Variants in ABCB4 observed in about 807,000 individuals in gnomAD.
ABCB4 encodes phosphatidylcholine translocator ABCB4.
A neutral mutation model predicts 145.7 loss-of-function variants in ABCB4; 76 were observed. The ratio of observed to expected loss-of-function variants is 0.52; its 90% confidence interval spans 0.43 to 0.63. ABCB4 has a LOEUF of 0.63. Ranked by LOEUF, ABCB4 falls within the 30% of genes least tolerant of loss-of-function variation. The pLI is 0.00. For synonymous variants in ABCB4, 517 were observed against 566.8 expected (o/e 0.91, Z 1.25); for missense variants, 1,234 against 1,553.1 (o/e 0.79, Z 3.45).
chr7:87,413,390 C>T (rs568258808), intron 22 of ABCB4, among the ~76,000 whole-genome samples: 12 of 152,290 alleles, frequency 7.9e-5, no homozygotes, highest in South Asian at 6.2e-4. Flanking sequence ...ATATCTTTTA[C>T]GTCTTGGAGA....
intron 15 of ABCB4, among the ~76,000 whole-genome samples, chr7:87,427,865 G>C (rs552543665): frequency 6.6e-6 from 1 of 152,108 alleles, no homozygotes; most frequent in African/African-American, 2.4e-5. Flanking sequence ...TTCCTTATTT[G>C]CTCATTACTG....
At chr7:87,427,131 A>G (rs1809889403) in intron 15 of ABCB4, among the ~76,000 whole-genome samples, 1 of 152,206 alleles carries the variant, frequency 6.6e-6, no homozygotes, top group African/African-American at 2.4e-5. Flanking sequence ...TTGAACAATA[A>G]GAAAATCGGA....
chr7:87,437,995 A>C (rs997072808), intron 14 of ABCB4, among the ~76,000 whole-genome samples: 1 of 152,212 alleles, frequency 6.6e-6, no homozygotes, highest in Non-Finnish European at 1.5e-5. Context: ...GCAAGATCAC[A>C]GTTTTTCTGG....
chr7:87,374,187 T>C, the ABCB4 span, among the ~76,000 whole-genome samples: 1 of 152,090 alleles, frequency 6.6e-6, no homozygotes, highest in African/African-American at 2.4e-5. Context: ...ATTAGATGTG[T>C]AGCTGAAAAA....
chr7:87,406,331 G>A lies in ABCB4; in HGVS notation c.3443C>T (p.Ala1148Val). The part of the protein sequence containing the change: ...VVSQDEIVSA[A>V]KAANIHPFIE... The stretch of plus-strand genomic sequence containing the variant: ...GAAAGGATGTATGTTGGCAGCTTTG[G>A]CTGCACTCACAATTTCATCCTGTGA... The change falls in exon 26 of 28, where the codon GCC becomes GTC. Residue 1148 changes from alanine (A) to valine (V), a missense_variant. Coordinates refer to ENST00000649586, the MANE Select transcript of ABCB4 (RefSeq NM_000443.4). The A allele has an allele frequency of 1.2e-6, 2 of 1,614,018 alleles. No homozygotes were observed. The highest frequency in any genetic ancestry group is 1.7e-6 in the Non-Finnish European group (2 of 1,179,984).
At chr7:87,424,076 A>G in intron 16 of ABCB4, 24 bp from the exon 17 acceptor site, 1 of 1,613,898 alleles carries the variant, frequency 6.2e-7, no homozygotes, top group Non-Finnish European at 8.5e-7. Flanking sequence ...ACATCAGGGC[A>G]AACTGGTGAT....
chr7:87,461,445 T>C (rs1812455756), intron 4 of ABCB4, among the ~76,000 whole-genome samples: 1 of 152,176 alleles, frequency 6.6e-6, no homozygotes, highest in African/African-American at 2.4e-5. Context: ...GCAGTGTAAC[T>C]ATGGAAAAGT....
chr7:87,444,470 C>T (rs1811206676), intron 10 of ABCB4, among the ~76,000 whole-genome samples: 1 of 152,092 alleles, frequency 6.6e-6, no homozygotes. Context: ...GGGGAACCCA[C>T]AGCAAAATAT....
chr7:87,415,791 T>C (rs748102077), intron 21 of ABCB4, among the ~76,000 whole-genome samples: 2 of 152,170 alleles, frequency 1.3e-5, no homozygotes, highest in Non-Finnish European at 2.9e-5. Context: ...CTGACAAAAT[T>C]CTAACAATTA....
In ABCB4 at chr7:87,420,020, G is replaced by A; in HGVS notation, c.2372C>T (p.Ala791Val). 1 of 1,614,106 alleles carries A rather than the reference G, an allele frequency of 6.2e-7. No individual in the cohort carries two copies. Among genetic ancestry groups the A allele is most frequent in the African/African-American group, 1.3e-5 (1 of 75,038 alleles). ...EILTRRLRSM[A>V]FKAMLRQDMS... ...TACCTGTCTTAGCATTGCTTTAAAA[G>A]CCATTGACCGCAGTCTTCTGGTGAG... Residue 791 changes from alanine to valine, a missense_variant, in exon 19 of 28, where the codon GCT (alanine) becomes GTT (valine). Physicochemically the swap from Ala to Val is moderately conservative, Grantham distance 64 (BLOSUM62 0). Coordinates refer to ENST00000649586, the MANE Select transcript of ABCB4 (RefSeq NM_000443.4).
intron 3 of ABCB4, among the ~76,000 whole-genome samples, chr7:87,472,042 C>T (rs1190270018): frequency 6.6e-6 from 1 of 152,220 alleles, no homozygotes; most frequent in Non-Finnish European, 1.5e-5. Context: ...GCTACTAACA[C>T]AATTCCCATT....
At position 87,442,292 on chromosome 7, in the gene ABCB4, A is replaced by G. The variant is rs189437935; in HGVS notation, c.1356+1027T>C. On this transcript the variant is annotated intron_variant, in intron 12 of 27. Coordinates refer to ENST00000649586, the MANE Select transcript of ABCB4 (RefSeq NM_000443.4). ...AATAATATTAATTTTATTAAATTAAATAAATAGTTCCATGTATTGTAGAAA... is the reference window on the plus strand; with the variant it reads ...AATAATATTAATTTTATTAAATTAAGTAAATAGTTCCATGTATTGTAGAAA... Among the ~76,000 whole-genome samples, 8 of 152,246 alleles carry G rather than the reference A, an allele frequency of 5.3e-5. No individual in the cohort carries two copies. In the East Asian group the frequency reaches 7.7e-4, roughly 15 times the overall value.
chr7:87,447,166 A>G lies in ABCB4; in HGVS notation c.873T>C (p.Ile291=). 6.2e-7 allele frequency: 1 copy of G among 1,614,034 alleles called. No homozygotes were observed. The highest frequency in any genetic ancestry group is 8.5e-7 in the Non-Finnish European group (1 of 1,179,956). Residue 291 remains isoleucine (I), a synonymous_variant, in exon 9 of 28, where the codon ATT becomes ATC. Coordinates refer to ENST00000649586, the MANE Select transcript of ABCB4 (RefSeq NM_000443.4). ...KHLENAKEIG[I]KKAISANISM... is the part of the protein sequence containing the mutation. Reference sequence around the variant, plus strand: ...AAATGTTTGCTGAAATAGCTTTTTTAATTCCAATCTCTTTGGCATTTTCTA... The same window carrying G: ...AAATGTTTGCTGAAATAGCTTTTTTGATTCCAATCTCTTTGGCATTTTCTA...
chr7:87,472,011 A>G (rs1457947928), intron 3 of ABCB4, among the ~76,000 whole-genome samples: 2 of 152,288 alleles, frequency 1.3e-5, no homozygotes, highest in East Asian at 3.9e-4. Context: ...CATTTTCTTG[A>G]AATTGTTGAG....
intron 3 of ABCB4, among the ~76,000 whole-genome samples, chr7:87,469,584 A>C (rs1237316426): frequency 1.3e-5 from 2 of 152,260 alleles, no homozygotes; most frequent in African/African-American, 4.8e-5. Context: ...AATAACAGAC[A>C]GAGAGCCAAA....
chr7:87,444,830 T>G (rs767735521), intron 10 of ABCB4, 32 bp downstream of exon 10: 3 of 1,524,562 alleles, frequency 2.0e-6, no homozygotes, highest in Non-Finnish European at 2.7e-6. Flanking sequence ...GCTCAAAGAC[T>G]TCTTTTGGCA....
chr7:87,420,927 A>T (rs1388478009), intron 18 of ABCB4, among the ~76,000 whole-genome samples: 1 of 152,256 alleles, frequency 6.6e-6, no homozygotes. Context: ...ATACAGAAGT[A>T]ACAAAGTCCT....
intron 14 of ABCB4, 135 bp downstream of exon 14, chr7:87,439,532 G>C (rs961843291): frequency 6.5e-6 from 7 of 1,073,600 alleles, no homozygotes; most frequent in African/African-American, 1.5e-5. Flanking sequence ...TGACAGAAAG[G>C]AGAAATCAAT....
rs760759247 is a variant in ABCB4 at position 87,443,360 on chromosome 7, C to A, written c.1315G>T (p.Val439Phe). Residue 439 changes from valine (V) to phenylalanine (F), a missense_variant, in exon 12 of 28, where the codon GTC becomes TTC. Transcript: ENST00000649586. ...GSSGCGKSTT[V>F]QLIQRLYDPD... Reference sequence around the variant, plus strand: ...TCATAGAGCCTCTGTATCAGCTGGACCGTTGTGCTCTTCCCACAGCCACTA... The same window carrying A: ...TCATAGAGCCTCTGTATCAGCTGGAACGTTGTGCTCTTCCCACAGCCACTA... 2 of 1,614,094 alleles carry A rather than the reference C, an allele frequency of 1.2e-6. No individual in the cohort carries two copies. The highest frequency in any genetic ancestry group is 3.3e-5 in the Admixed American group (2 of 60,018).
Sources: allele counts gnomAD v4.1 joint callset (sites outside exome capture counted in the v4.1 genomes callset), GRCh38; gene constraint gnomAD v4.1.1; transcripts MANE v1.5; gene names NCBI Gene and HGNC (gene_info 2026-07-23, HGNC 2026-07-21).